FARP1: variants seen among roughly 807,000 people sequenced by gnomAD.
FARP1 encodes the protein FERM, ARHGEF and pleckstrin domain-containing protein 1.
FARP1 carries 52 observed loss-of-function variants against 128.8 expected under a neutral mutation model. That is an observed-to-expected ratio of 0.40 (90% CI 0.32 to 0.51). The LOEUF is 0.51. Ranked by LOEUF, FARP1 falls within the 20% of genes least tolerant of loss-of-function variation. The pLI is 0.45. For missense variants in FARP1, 1,333 were observed against 1,367.9 expected (o/e 0.97, Z 0.40); for synonymous variants, 580 against 551.8 (o/e 1.05, Z -0.72).
At chr13:98,166,960 C>T (rs1877308968) in intron 1 of FARP1, among the ~76,000 whole-genome samples, 1 of 152,118 alleles carries the variant, frequency 6.6e-6, no homozygotes, top group Admixed American at 6.5e-5. Flanking sequence ...CTTTTGGGCT[C>T]AGGCAATCTG....
At chr13:98,182,883 A>G (rs530791643) in intron 1 of FARP1, among the ~76,000 whole-genome samples, 2 of 152,330 alleles carry the variant, frequency 1.3e-5, no homozygotes, top group South Asian at 4.1e-4. Flanking sequence ...AGCTTTTTCC[A>G]TTGGATGTGC....
chr13:98,177,235 A>G, intron 1 of FARP1: 2 of 1,548,138 alleles, frequency 1.3e-6, no homozygotes, highest in African/African-American at 1.4e-5. Context: ...TGGCGCTGCC[A>G]TGTTTGAGTC....
intron 2 of FARP1, among the ~76,000 whole-genome samples, chr13:98,284,537 G>A (rs1885078174): frequency 6.6e-6 from 1 of 151,798 alleles, no homozygotes; most frequent in Admixed American, 6.6e-5. Context: ...ATAGATATTT[G>A]GGAAAAAAAA....
intron 2 of FARP1, among the ~76,000 whole-genome samples, chr13:98,285,663 T>G (rs1325712042): frequency 1.3e-5 from 2 of 152,220 alleles, no homozygotes; most frequent in South Asian, 4.1e-4. Flanking sequence ...AACTGCTTTT[T>G]AATCCAACAG....
intron 24 of FARP1, among the ~76,000 whole-genome samples, chr13:98,444,711 T>C (rs898192429): frequency 1.3e-5 from 2 of 152,210 alleles, no homozygotes; most frequent in African/African-American, 4.8e-5. Context: ...CTAAGGAAGC[T>C]GCTTTGGAAA....
intron 11 of FARP1, 141 bp from the exon 12 acceptor site, chr13:98,393,502 T>C (rs1328234434): frequency 3.0e-6 from 2 of 656,834 alleles, no homozygotes; most frequent in African/African-American, 3.6e-5. Context: ...CAAGTAGCAT[T>C]TGTAAAGGCG....
intron 24 of FARP1, among the ~76,000 whole-genome samples, chr13:98,443,533 C>T (rs1391423690): frequency 1.3e-5 from 2 of 152,252 alleles, no homozygotes; most frequent in Non-Finnish European, 2.9e-5. Context: ...GCCTCCTCTC[C>T]CCAGTCCCGT....
intron 2 of FARP1, among the ~76,000 whole-genome samples, chr13:98,279,975 C>T (rs1884853672): frequency 6.6e-6 from 1 of 152,046 alleles, no homozygotes; most frequent in Admixed American, 6.5e-5. Context: ...TGTTTTCAGC[C>T]TCTCCCTTGC....
chr13:98,176,372 G>A lies in FARP1; in HGVS notation c.-24+32880G>A. On this transcript the variant is annotated intron_variant, in intron 1 of 26. Transcript: ENST00000319562. This position sits in a 1 kb window ranked among gnomAD's most constrained non-coding sequence, Gnocchi z 6.2. ...GTTGGCTGGTCACAGATGTAGCAGCGCGGGGTGGCCCGGAAGTGCTCCAGC... is the reference window on the plus strand; with the variant it reads ...GTTGGCTGGTCACAGATGTAGCAGCACGGGGTGGCCCGGAAGTGCTCCAGC... 1 of 1,614,240 alleles carries A rather than the reference G, an allele frequency of 6.2e-7. No individual in the cohort carries two copies. Among genetic ancestry groups the A allele is most frequent in the Non-Finnish European group, 8.5e-7 (1 of 1,180,034 alleles).
At chr13:98,265,469 G>A (rs549304221) in intron 2 of FARP1, among the ~76,000 whole-genome samples, 2 of 150,742 alleles carry the variant, frequency 1.3e-5, no homozygotes, top group East Asian at 3.9e-4. Flanking sequence ...ACAGGCGCCC[G>A]CCACTACGCC....
intron 13 of FARP1, chr13:98,401,490 CCTGGTGCTAGCTGT>C (rs1313112196): frequency 8.6e-6 from 1 of 116,582 alleles, no homozygotes; most frequent in African/African-American, 2.9e-5. Context: ...TCAAAAGTGG[CCTGGTGCTAGCTGT>C]TTGGGTATAT....
intron 1 of FARP1, among the ~76,000 whole-genome samples, chr13:98,166,891 A>T (rs1682333380): frequency 6.6e-6 from 1 of 151,584 alleles, no homozygotes; most frequent in Admixed American, 6.6e-5. Flanking sequence ...ACCTGACTTA[A>T]TTTTTTTGTA....
intron 1 of FARP1, among the ~76,000 whole-genome samples, chr13:98,181,666 C>T (rs1878538187): frequency 6.9e-6 from 1 of 145,244 alleles, no homozygotes; most frequent in Admixed American, 7.2e-5. Context: ...GAGAGAGTCT[C>T]ACTGTTGCCC....
At chr13:98,272,898 A>G (rs1372166125) in intron 2 of FARP1, among the ~76,000 whole-genome samples, 12 of 152,218 alleles carry the variant, frequency 7.9e-5, no homozygotes, top group Admixed American at 7.9e-4. Context: ...AATTTTGTCA[A>G]AAGCTAGAAG....
At chr13:98,198,730 T>C (rs1300620838) in intron 1 of FARP1, among the ~76,000 whole-genome samples, 1 of 151,012 alleles carries the variant, frequency 6.6e-6, no homozygotes, top group Non-Finnish European at 1.5e-5. Context: ...TAGAAAAGAT[T>C]AGCTGGGCAC....
At chr13:98,397,182 A>G (rs1890581552) in intron 13 of FARP1, 1 of 152,204 alleles carries the variant, frequency 6.6e-6, no homozygotes, top group African/African-American at 2.4e-5. Context: ...TTAGGTTTGC[A>G]TTGGTGGATC....
intron 24 of FARP1, chr13:98,445,333 C>T (rs1160954299): frequency 6.6e-6 from 1 of 152,270 alleles, no homozygotes; most frequent in African/African-American, 2.4e-5. Flanking sequence ...GTCACTTTGG[C>T]AAAGGGACGA....
chr13:98,395,119 G>T, intron 12 of FARP1, 108 bp from the exon 13 acceptor site: 2 of 1,344,478 alleles, frequency 1.5e-6, no homozygotes, highest in Admixed American at 2.5e-5. Context: ...TTCTCCCGCC[G>T]CAGAGGCCTC....
intron 2 of FARP1, among the ~76,000 whole-genome samples, chr13:98,242,613 A>C (rs1882838292): frequency 6.6e-6 from 1 of 152,166 alleles, no homozygotes; most frequent in Non-Finnish European, 1.5e-5. Flanking sequence ...AAGGAGGTTG[A>C]TGCTGCAGAG....
Sources: gnomAD v4.1 joint callset for allele counts (sites outside exome capture counted in the v4.1 genomes callset) on GRCh38, gnomAD v4.1.1 for gene constraint, Gnocchi (gnomAD v3.1) non-coding constraint, MANE v1.5 for transcripts, NCBI Gene and HGNC (gene_info 2026-07-23, HGNC 2026-07-21) for gene names.